NRXN3: variants seen among roughly 807,000 people sequenced by gnomAD.
NRXN3 encodes the protein neurexin 3.
A neutral mutation model predicts 137.6 loss-of-function variants in NRXN3; 32 were observed. The ratio of observed to expected loss-of-function variants is 0.23; its 90% CI spans 0.18 to 0.31. NRXN3 has a LOEUF of 0.31. NRXN3 is among the 10% of genes least tolerant of loss of function. The pLI, the probability that NRXN3 is intolerant of heterozygous loss-of-function variation, is 1.00. For missense variants in NRXN3, 1,574 were observed against 2,062.5 expected, an observed-to-expected ratio of 0.76 and a Z score of 4.59; for synonymous variants, 798 against 784.5, an observed-to-expected ratio of 1.02 and a Z score of -0.29.
At chr14:79,348,378 CTTT>C (rs10628515) in intron 15 of NRXN3, among the ~76,000 whole-genome samples, 6 of 135,954 alleles carry the variant, frequency 4.4e-5, no homozygotes, top group Admixed American at 7.2e-5. Context: ...AATCTTCTCT[CTTT>C]TTTTTTTTTT....
intron 1 of NRXN3, among the ~76,000 whole-genome samples, chr14:78,216,643 A>T (rs111856841): frequency 9.5e-4 from 144 of 152,316 alleles, no homozygotes; most frequent in African/African-American, 3.1e-3. Flanking sequence ...AAAGGAGCAT[A>T]GCTTTATGCA....
intron 15 of NRXN3, among the ~76,000 whole-genome samples, chr14:79,381,538 C>T (rs557448870): frequency 6.6e-6 from 1 of 152,072 alleles, no homozygotes. Flanking sequence ...ACGATGAACC[C>T]CGGCTGTTCT....
At chr14:78,516,099 A>G (rs2096202039) in intron 4 of NRXN3, among the ~76,000 whole-genome samples, 1 of 152,112 alleles carries the variant, frequency 6.6e-6, no homozygotes, top group African/African-American at 2.4e-5. Flanking sequence ...CAAAATTGCC[A>G]TAATAATTAA....
intron 16 of NRXN3, among the ~76,000 whole-genome samples, chr14:79,505,422 CCAA>C (rs1277960188): frequency 1.6e-4 from 25 of 152,174 alleles, no homozygotes; most frequent in African/African-American, 6.0e-4. Context: ...GTATCAAAAT[CCAA>C]TTGTTGAAAG....
intron 15 of NRXN3, among the ~76,000 whole-genome samples, chr14:79,307,184 C>T (rs1308607351): frequency 6.6e-6 from 1 of 152,016 alleles, no homozygotes; most frequent in East Asian, 1.9e-4. Flanking sequence ...TTACTACTAT[C>T]CTAATTTCCT....
At chr14:78,578,762 T>G (rs1600763752) in intron 4 of NRXN3, among the ~76,000 whole-genome samples, 1 of 152,082 alleles carries the variant, frequency 6.6e-6, no homozygotes, top group Non-Finnish European at 1.5e-5. Flanking sequence ...ACTTTGCGGA[T>G]CACAGAGAGA....
intron 4 of NRXN3, among the ~76,000 whole-genome samples, chr14:78,576,079 T>C (rs534746481): frequency 6.6e-6 from 1 of 152,366 alleles, no homozygotes; most frequent in African/African-American, 2.4e-5. Flanking sequence ...GAGGATGGTT[T>C]GACATGTATT....
At chr14:78,681,798 GAA>G (rs1183787702) in intron 6 of NRXN3, among the ~76,000 whole-genome samples, 1 of 152,080 alleles carries the variant, frequency 6.6e-6, no homozygotes, top group Admixed American at 6.6e-5. Context: ...CCACTCTGGG[GAA>G]AAGACACGTA....
intron 17 of NRXN3, among the ~76,000 whole-genome samples, chr14:79,675,604 A>G (rs1012420112): frequency 6.6e-6 from 1 of 152,116 alleles, no homozygotes; most frequent in African/African-American, 2.4e-5. Context: ...TTAAATCCCT[A>G]GAGAGACAGA....
intron 4 of NRXN3, among the ~76,000 whole-genome samples, chr14:78,443,857 A>G (rs2094333224): frequency 6.6e-6 from 1 of 152,208 alleles, no homozygotes; most frequent in African/African-American, 2.4e-5. Flanking sequence ...TGTTAAAATT[A>G]TGCTTCTATT....
In NRXN3 at chr14:78,600,212, T is replaced by C. The variant is rs17107903; in HGVS notation, c.758-44908T>C. Among the ~76,000 whole-genome samples, 1,054 of 152,322 alleles carry C rather than the reference T, an allele frequency of 6.9e-3. 18 individuals are homozygous for C. Among genetic ancestry groups the C allele is most frequent in the African/African-American group, 0.024 (989 of 41,568 alleles). On this transcript the variant is annotated intron_variant, in intron 4 of 20. Transcript: ENST00000335750. Reference sequence around the variant, plus strand: ...CACACCTACTCTTGACCCAGCTTTTTCACTCCCAATTTGGTTGTTATACAG... The same window carrying C: ...CACACCTACTCTTGACCCAGCTTTTCCACTCCCAATTTGGTTGTTATACAG...
At chr14:79,423,022 T>C (rs1338371290) in intron 15 of NRXN3, among the ~76,000 whole-genome samples, 1 of 152,122 alleles carries the variant, frequency 6.6e-6, no homozygotes, top group African/African-American at 2.4e-5. Flanking sequence ...TAAAGATGTT[T>C]CAGCTTTTGA....
At position 79,018,286 on chromosome 14, in the gene NRXN3, AAAAAAAAAAAG is replaced by A. The variant is rs2099582995; in HGVS notation, c.3262+30147_3262+30157del. On this transcript the variant is annotated intron_variant, in intron 15 of 20. Coordinates refer to ENST00000335750, the MANE Select transcript of NRXN3 (RefSeq NM_001330195.2). ...AAAAAAAAAAAAAAAAAAAAAAAAA[AAAAAAAAAAAG>A]AGAGAGAGCAAGAAGAGTGAAAGTT... is the stretch of plus-strand genomic sequence containing the variant. Among the ~76,000 whole-genome samples, 2 of 60,854 alleles carry A rather than the reference AAAAAAAAAAAG, an allele frequency of 3.3e-5. 1 individual carries two copies. Among genetic ancestry groups the A allele is most frequent in the South Asian group, 8.7e-4 (2 of 2,308 alleles). The allele number at this position is 60,854 out of a possible 152,430, so 39.9% of individuals were successfully genotyped here.
At chr14:79,220,716 T>G in intron 15 of NRXN3, among the ~76,000 whole-genome samples, 1 of 152,130 alleles carries the variant, frequency 6.6e-6, no homozygotes, top group East Asian at 1.9e-4. Context: ...CTTAGTAACA[T>G]GCATTTAAGT....
intron 20 of NRXN3, among the ~76,000 whole-genome samples, chr14:79,810,851 G>A (rs1483990539): frequency 6.6e-6 from 1 of 152,172 alleles, no homozygotes; most frequent in Non-Finnish European, 1.5e-5. Flanking sequence ...TAATTTTCCA[G>A]TGAAGGATCA....
At chr14:79,004,145 G>GTCC (rs2099547366) in intron 15 of NRXN3, among the ~76,000 whole-genome samples, 1 of 152,212 alleles carries the variant, frequency 6.6e-6, no homozygotes, top group South Asian at 2.1e-4. Flanking sequence ...ATTGCCAAGG[G>GTCC]TCCTCACACA....
In NRXN3 at chr14:79,164,928, A is replaced by G. The variant is rs192819068; in HGVS notation, c.3262+176787A>G. Among the ~76,000 whole-genome samples the G allele has an allele frequency of 7.2e-5, 11 of 152,110 alleles. No individual in the cohort carries two copies. The East Asian group carries it at 1.9e-3, about 27-fold the overall frequency. On this transcript the variant is annotated intron_variant, in intron 15 of 20. Coordinates refer to ENST00000335750, the MANE Select transcript of NRXN3 (RefSeq NM_001330195.2). ...TCAAATCATAAATGGCAAACTATGT[A>G]TTACTTATGTTATAATTTTGGAGCT...
intron 20 of NRXN3, among the ~76,000 whole-genome samples, chr14:79,836,025 A>T (rs1425353403): frequency 6.6e-6 from 1 of 152,154 alleles, no homozygotes; most frequent in East Asian, 1.9e-4. Flanking sequence ...ATCAGAACTC[A>T]GTTTTGTGCA....
intron 4 of NRXN3, among the ~76,000 whole-genome samples, chr14:78,462,680 T>C (rs73316459): frequency 0.022 from 3,294 of 152,300 alleles, 114 homozygotes; most frequent in African/African-American, 0.072. Flanking sequence ...TTAAGTGATC[T>C]CTTGGCAAAA....
Sources: allele counts gnomAD v4.1 joint callset (sites outside exome capture counted in the v4.1 genomes callset), GRCh38; gene constraint gnomAD v4.1.1; transcripts MANE v1.5; gene names NCBI Gene and HGNC (gene_info 2026-07-23, HGNC 2026-07-21).